DOCK1: variants seen among roughly 807,000 people sequenced by gnomAD.
DOCK1 encodes dedicator of cytokinesis 1.
A neutral mutation model predicts 262.7 loss-of-function variants in DOCK1; 138 were observed. The observed-to-expected ratio is 0.53, with a 90% confidence interval of 0.46 to 0.61. DOCK1 has a LOEUF of 0.61. Among genes scored for constraint, DOCK1 ranks in the 20% least tolerant of loss-of-function variants. The probability of loss-of-function intolerance (pLI) is 0.00; values close to 1 mark genes in which losing one functional copy is unlikely to be tolerated. For missense variants in DOCK1, 1,908 were observed against 2,370.7 expected (o/e 0.80, Z 4.05); for synonymous variants, 866 against 867.4 (o/e 1.00, Z 0.03).
chr10:127,253,992 A>T (rs536555511), intron 28 of DOCK1, among the ~76,000 whole-genome samples: 79 of 151,996 alleles, frequency 5.2e-4, no homozygotes, highest in African/African-American at 1.9e-3. Flanking sequence ...TATACAGCCA[A>T]CCCCTTTCAG....
intron 4 of DOCK1, among the ~76,000 whole-genome samples, chr10:126,982,942 T>C (rs2039087371): frequency 6.6e-6 from 1 of 152,226 alleles, no homozygotes; most frequent in South Asian, 2.1e-4. Context: ...CTGTGTATGA[T>C]TATTTAAAAA....
At chr10:127,217,761 A>G (rs575750445) in intron 27 of DOCK1, among the ~76,000 whole-genome samples, 1 of 152,364 alleles carries the variant, frequency 6.6e-6, no homozygotes, top group East Asian at 1.9e-4. Flanking sequence ...ATTCTTTGCC[A>G]AAGCCAATGT....
intron 51 of DOCK1, among the ~76,000 whole-genome samples, chr10:127,450,323 A>G (rs988656350): frequency 6.6e-6 from 1 of 152,152 alleles, no homozygotes; most frequent in African/African-American, 2.4e-5. Context: ...ATTCAGCTAA[A>G]TGCAAACCCA....
intron 12 of DOCK1, chr10:127,014,961 G>A (rs1368857050): frequency 6.6e-6 from 1 of 152,218 alleles, no homozygotes; most frequent in African/African-American, 2.4e-5. Context: ...CCAGCGCCAG[G>A]ACCTGTGGCT....
At chr10:127,008,065 T>C (rs2135261018) in intron 10 of DOCK1, among the ~76,000 whole-genome samples, 1 of 152,246 alleles carries the variant, frequency 6.6e-6, no homozygotes, top group South Asian at 2.1e-4. Context: ...TAAAAGTAAA[T>C]TTTCAGTTCC....
At chr10:127,323,492 G>C (rs2766049) in intron 29 of DOCK1, among the ~76,000 whole-genome samples, 101,762 of 152,080 alleles carry the variant, frequency 0.67, 35,708 homozygotes, top group African/African-American at 0.89. Flanking sequence ...AAAAGCCAAA[G>C]GTCGTTATCC....
At chr10:127,159,995 C>G (rs1206095289) in intron 27 of DOCK1, among the ~76,000 whole-genome samples, 1 of 152,160 alleles carries the variant, frequency 6.6e-6, no homozygotes, top group African/African-American at 2.4e-5. Flanking sequence ...AGAGAAAGAT[C>G]ACTGCAAGCT....
intron 1 of DOCK1, among the ~76,000 whole-genome samples, chr10:126,942,151 A>C (rs1031648165): frequency 2.0e-5 from 3 of 149,570 alleles, no homozygotes; most frequent in Non-Finnish European, 4.4e-5. Context: ...CAGCCTCCCG[A>C]GTAGCGGGAC....
At chr10:127,249,512 T>A (rs577079642) in intron 28 of DOCK1, among the ~76,000 whole-genome samples, 1 of 152,216 alleles carries the variant, frequency 6.6e-6, no homozygotes, top group African/African-American at 2.4e-5. Flanking sequence ...TTAGGCAATT[T>A]CATCATTGTG....
chr10:127,061,745 G>A lies in DOCK1; in HGVS notation c.2414G>A (p.Ser805Asn). Residue 805 changes from serine to asparagine, a missense_variant, in exon 23 of 52, where the codon AGC becomes AAC. By Grantham distance (46) the Ser-to-Asn change is conservative. This residue lies in a region of DOCK1 where 518 missense variants were observed against 575.1 expected (regional missense o/e 0.90). Coordinates refer to ENST00000623213, the MANE Select transcript of DOCK1 (RefSeq NM_001290223.2). ...TTCAGGTCCATCAATGACATGATGA[G>A]CAGCATGTCAGACCAGACCGTCCGG... is the stretch of plus-strand genomic sequence containing the variant. Reference protein sequence around the residue: ...QLFRSINDMMSSMSDQTVRVK... With the variant: ...QLFRSINDMMNSMSDQTVRVK... 2 of 1,594,166 alleles carry A rather than the reference G, an allele frequency of 1.3e-6. No individual in the cohort carries two copies.
At chr10:127,072,453 A>G (rs541891382) in intron 23 of DOCK1, among the ~76,000 whole-genome samples, 1 of 152,270 alleles carries the variant, frequency 6.6e-6, no homozygotes, top group African/African-American at 2.4e-5. Flanking sequence ...ACAGACATAA[A>G]ATTATCATTG....
chr10:127,231,652 AC>A (rs1339734632), intron 27 of DOCK1, among the ~76,000 whole-genome samples: 3 of 152,164 alleles, frequency 2.0e-5, no homozygotes, highest in African/African-American at 7.2e-5. Context: ...ACTAGAAATG[AC>A]ATCTATAACT....
intron 32 of DOCK1, among the ~76,000 whole-genome samples, chr10:127,356,310 C>A (rs1187888837): frequency 6.6e-6 from 1 of 152,180 alleles, no homozygotes; most frequent in Non-Finnish European, 1.5e-5. Context: ...TCCTGCCTCC[C>A]CGTGAGGCCT....
At chr10:127,033,299 C>T (rs984665714) in intron 18 of DOCK1, among the ~76,000 whole-genome samples, 3 of 152,324 alleles carry the variant, frequency 2.0e-5, no homozygotes, top group Admixed American at 1.3e-4. Context: ...TGTGGCAGAT[C>T]ACTCATCCAT....
rs999708433 is a variant in DOCK1 at position 127,157,604 on chromosome 10, T to G, written c.2847+29840T>G. ...TCCTGAGAAATGGTTTGGCTGACGT[T>G]TGTTGGTAAGAACCAAAGGAGTCAT... is the stretch of plus-strand genomic sequence containing the variant. On this transcript the variant is annotated intron_variant, in intron 27 of 51. Coordinates refer to ENST00000623213, the MANE Select transcript of DOCK1 (RefSeq NM_001290223.2). 2.6e-5 allele frequency among the ~76,000 whole-genome samples: 4 copies of G among 152,362 alleles called. No individual in the cohort carries two copies. In the East Asian group the frequency reaches 7.7e-4, roughly 29 times the overall value.
rs749315567 is a variant in DOCK1 at position 127,052,641 on chromosome 10, C to G, written c.2202-40C>G. The G allele has an allele frequency of 6.2e-6, 10 of 1,612,616 alleles. 1 individual carries two copies. The highest frequency in any genetic ancestry group is 8.5e-6 in the Non-Finnish European group (10 of 1,179,136). On this transcript the variant is annotated intron_variant, in intron 21 of 51. Coordinates refer to ENST00000623213, the MANE Select transcript of DOCK1 (RefSeq NM_001290223.2). ...AGCAGTTAAGATTTGAGATATTTTC[C>G]TTTCCTGAGCTTATTTGTGCGTGTT...
chr10:127,133,785 A>G (rs1446058729), intron 27 of DOCK1, among the ~76,000 whole-genome samples: 2 of 152,248 alleles, frequency 1.3e-5, no homozygotes, highest in Admixed American at 6.5e-5. Context: ...TATAGGATCC[A>G]CTGTAGCATG....
chr10:127,155,245 T>C (rs2052923866), intron 27 of DOCK1, among the ~76,000 whole-genome samples: 2 of 152,182 alleles, frequency 1.3e-5, no homozygotes, highest in African/African-American at 4.8e-5. Flanking sequence ...TTTGTTTTCC[T>C]CATTATATTG....
intron 23 of DOCK1, among the ~76,000 whole-genome samples, chr10:127,091,092 C>A (rs1207569798): frequency 6.6e-6 from 1 of 151,860 alleles, no homozygotes; most frequent in Non-Finnish European, 1.5e-5. Flanking sequence ...CACCATTCTC[C>A]TGCCTCAGCC....
Sources: allele counts gnomAD v4.1 joint callset (sites outside exome capture counted in the v4.1 genomes callset), GRCh38; gene constraint gnomAD v4.1.1; regional missense constraint gnomAD v4.1.1; transcripts MANE v1.5; gene names NCBI Gene and HGNC (gene_info 2026-07-23, HGNC 2026-07-21).